Variants in MYO3B observed in about 807,000 individuals in gnomAD.
The protein encoded by MYO3B is myosin-IIIb.
In MYO3B, 156 loss-of-function variants were observed where a neutral mutation model predicts 174.6. The ratio of observed to expected loss-of-function variants is 0.89; its 90% CI spans 0.78 to 1.02. MYO3B has a LOEUF of 1.02. MYO3B is among the 50% of genes least tolerant of loss of function. The pLI, the probability that MYO3B is intolerant of heterozygous loss-of-function variation, is 0.00. For synonymous variants in MYO3B, 563 were observed against 569.1 expected, an observed-to-expected ratio of 0.99 and a Z score of 0.15; for missense variants, 1,632 against 1,639.4, an observed-to-expected ratio of 1.00 and a Z score of 0.08.
chr2:170,400,402 C>CAT, intron 17 of MYO3B, 88 bp downstream of exon 17: 12 of 1,000,794 alleles, frequency 1.2e-5, no homozygotes, highest in South Asian at 2.1e-5. Context: ...TTTGCTGGTC[C>CAT]TTTTTTTTTT....
At chr2:170,351,612 A>C (rs1253693433) in intron 8 of MYO3B, among the ~76,000 whole-genome samples, 1 of 152,002 alleles carries the variant, frequency 6.6e-6, no homozygotes, top group South Asian at 2.1e-4. Context: ...ACATTACTAG[A>C]ATAGGAGGGT....
chr2:170,642,214 TTCATTCA>T (rs1698029855), intron 32 of MYO3B, among the ~76,000 whole-genome samples: 1 of 149,986 alleles, frequency 6.7e-6, no homozygotes, highest in Admixed American at 6.7e-5. Context: ...TCATTCATTC[TTCATTCA>T]TTCGTCATTT....
At chr2:170,225,612 C>T (rs966843346) in intron 6 of MYO3B, among the ~76,000 whole-genome samples, 1 of 152,118 alleles carries the variant, frequency 6.6e-6, no homozygotes, top group Non-Finnish European at 1.5e-5. Flanking sequence ...CACTCATTTT[C>T]TAGAAAATGA....
intron 32 of MYO3B, among the ~76,000 whole-genome samples, chr2:170,626,442 T>C (rs990652302): frequency 6.6e-6 from 1 of 152,206 alleles, no homozygotes; most frequent in Admixed American, 6.5e-5. Flanking sequence ...AGCCTATGTG[T>C]GTCTCTGCAC....
At chr2:170,260,691 C>G (rs1415534871) in intron 7 of MYO3B, among the ~76,000 whole-genome samples, 1 of 152,144 alleles carries the variant, frequency 6.6e-6, no homozygotes, top group Non-Finnish European at 1.5e-5. Context: ...TTCACTCTGT[C>G]AATCTAACAT....
At chr2:170,284,835 C>T (rs909136396) in intron 7 of MYO3B, among the ~76,000 whole-genome samples, 2 of 152,106 alleles carry the variant, frequency 1.3e-5, no homozygotes, top group African/African-American at 4.8e-5. Context: ...TATAGATGAC[C>T]ATCACAATAA....
intron 32 of MYO3B, among the ~76,000 whole-genome samples, chr2:170,590,453 C>T (rs1693750916): frequency 6.6e-6 from 1 of 152,130 alleles, no homozygotes; most frequent in Admixed American, 6.5e-5. Context: ...CACACCCCTA[C>T]ATTAACATAT....
At chr2:170,252,303 C>T (rs2093262067) in intron 7 of MYO3B, among the ~76,000 whole-genome samples, 1 of 152,176 alleles carries the variant, frequency 6.6e-6, no homozygotes, top group African/African-American at 2.4e-5. Flanking sequence ...TAATAATATG[C>T]TCTCCAACTG....
chr2:170,277,449 G>C (rs2093471746), intron 7 of MYO3B, among the ~76,000 whole-genome samples: 1 of 152,140 alleles, frequency 6.6e-6, no homozygotes, highest in South Asian at 2.1e-4. Context: ...AGAGAGTCTT[G>C]ATTTCTGCAT....
rs1256780853 is a variant in MYO3B, at chr2:170,498,765, T to C, written c.3126+62T>C. The C allele has an allele frequency of 3.7e-6, 4 of 1,093,600 alleles. No individual in the cohort carries two copies. The East Asian group carries it at 9.5e-5, about 26-fold the overall frequency. 67.7% of individuals were successfully genotyped at this position (1,093,600 alleles called of 1,614,324 possible). The stretch of plus-strand genomic sequence containing the variant: ...ATTTCTTTGTCTCTTGTCAGTGATG[T>C]CACTGGCATGAATGGCTCTGTAAGT... On this transcript the variant is annotated intron_variant, in intron 26 of 34. Coordinates refer to ENST00000408978, the MANE Select transcript of MYO3B (RefSeq NM_138995.5).
intron 32 of MYO3B, among the ~76,000 whole-genome samples, chr2:170,649,169 ATATATTATATATAAAATAATATATAT>A (rs1559201427): frequency 7.4e-4 from 45 of 60,980 alleles, no homozygotes; most frequent in Admixed American, 1.2e-3. Flanking sequence ...ATAATATATA[ATATATTATATATAAAATAATATATAT>A]TATATATAAA....
At chr2:170,449,798 AAAG>A (rs1261859834) in intron 23 of MYO3B, among the ~76,000 whole-genome samples, 10 of 152,044 alleles carry the variant, frequency 6.6e-5, no homozygotes, top group Admixed American at 2.6e-4. Context: ...AAGAAAAGAA[AAAG>A]AAGAAGTTTT....
intron 32 of MYO3B, among the ~76,000 whole-genome samples, chr2:170,583,210 C>G (rs1559135790): frequency 2.0e-5 from 3 of 151,914 alleles, no homozygotes; most frequent in Admixed American, 2.0e-4. Flanking sequence ...TAAAGTCTAG[C>G]TCAATATAAT....
intron 23 of MYO3B, among the ~76,000 whole-genome samples, chr2:170,454,106 C>G (rs1009833057): frequency 5.3e-5 from 8 of 152,322 alleles, no homozygotes; most frequent in Middle Eastern, 3.4e-3. Flanking sequence ...GGACAGAAGG[C>G]CTTCCAAATC....
rs118034264 is a variant in MYO3B at position 170,262,273 on chromosome 2, G to A, written c.749+26137G>A. On this transcript the variant is annotated intron_variant, in intron 7 of 34. Coordinates refer to ENST00000408978, the MANE Select transcript of MYO3B (RefSeq NM_138995.5). Reference sequence around the variant, plus strand: ...AGCAAAGGAATAGCTGTGCAAAAGTGGGTCCAGGTCTGGAGTTGCTGGGGT... The same window carrying A: ...AGCAAAGGAATAGCTGTGCAAAAGTAGGTCCAGGTCTGGAGTTGCTGGGGT... 3.2e-3 allele frequency among the ~76,000 whole-genome samples: 482 copies of A among 152,272 alleles called. 5 individuals are homozygous for A. The highest frequency in any genetic ancestry group is 0.028 in the East Asian group (145 of 5,178).
intron 32 of MYO3B, among the ~76,000 whole-genome samples, chr2:170,636,213 G>A (rs1009940067): frequency 6.6e-6 from 1 of 152,042 alleles, no homozygotes. Flanking sequence ...GTCTTGGGCT[G>A]GTCCCAACCC....
Position 170,653,181 on chromosome 2 carries a change from T to TGTCA in MYO3B, c.*61_*64dup. On this transcript the variant is annotated 3_prime_UTR_variant, in exon 35 of 35. Coordinates refer to ENST00000408978, the MANE Select transcript of MYO3B (RefSeq NM_138995.5). ...GGAACATTCATGGTAATCGACTGTC[T>TGTCA]GTCATTGCGTAAGAAAGCACTGATA... 6.2e-7 allele frequency: 1 copy of TGTCA among 1,600,594 alleles called. No homozygotes were observed. The highest frequency in any genetic ancestry group is 8.6e-7 in the Non-Finnish European group (1 of 1,169,090).
chr2:170,279,529 TG>T (rs1246229789), intron 7 of MYO3B, among the ~76,000 whole-genome samples: 3 of 152,060 alleles, frequency 2.0e-5, no homozygotes, highest in Admixed American at 6.6e-5. Flanking sequence ...ACTTGTGTCA[TG>T]GGGGTTTGTT....
chr2:170,304,763 G>A (rs1008633219), intron 7 of MYO3B, among the ~76,000 whole-genome samples: 4 of 151,762 alleles, frequency 2.6e-5, no homozygotes, highest in South Asian at 2.1e-4. Context: ...CATCGCATCC[G>A]GCCCTTTTCA....
Sources: gnomAD v4.1 joint callset for allele counts (sites outside exome capture counted in the v4.1 genomes callset) on GRCh38, gnomAD v4.1.1 for gene constraint, MANE v1.5 for transcripts, NCBI Gene and HGNC (gene_info 2026-07-23, HGNC 2026-07-21) for gene names.